PPP1R16B: variants seen among roughly 807,000 people sequenced by gnomAD.
PPP1R16B encodes protein phosphatase 1 regulatory inhibitor subunit 16B.
Under a neutral mutation model 61.7 loss-of-function variants are expected in PPP1R16B, and 14 were observed. That is an observed-to-expected ratio of 0.23 (90% CI 0.15 to 0.35). The LOEUF (loss-of-function observed/expected upper bound fraction) is 0.35, where lower values mean the gene tolerates loss of function less well. Among genes scored for constraint, PPP1R16B ranks in the 10% least tolerant of loss-of-function variants. The pLI, the probability that PPP1R16B is intolerant of heterozygous loss-of-function variation, is 1.00. For missense variants in PPP1R16B, 547 were observed against 752.5 expected, an observed-to-expected ratio of 0.73 and a Z score of 3.19; for synonymous variants, 266 against 305.3, an observed-to-expected ratio of 0.87 and a Z score of 1.34.
intron 2 of PPP1R16B, among the ~76,000 whole-genome samples, chr20:38,847,245 T>C (rs1015375701): frequency 6.6e-6 from 1 of 152,246 alleles, no homozygotes; most frequent in Non-Finnish European, 1.5e-5. Flanking sequence ...ATTTGATATA[T>C]GGAAAATAGT....
intron 2 of PPP1R16B, among the ~76,000 whole-genome samples, chr20:38,870,066 G>A (rs887115172): frequency 2.0e-5 from 3 of 152,148 alleles, no homozygotes; most frequent in Middle Eastern, 3.4e-3. Context: ...TGGGATTACA[G>A]GTGCCCACCA....
intron 1 of PPP1R16B, among the ~76,000 whole-genome samples, chr20:38,831,070 T>A (rs1340728262): frequency 6.6e-6 from 1 of 152,164 alleles, no homozygotes; most frequent in African/African-American, 2.4e-5. Flanking sequence ...CTCCAGTGAG[T>A]GACGAGGAAC....
At chr20:38,842,411 G>A (rs918945571) in intron 2 of PPP1R16B, among the ~76,000 whole-genome samples, 1 of 152,150 alleles carries the variant, frequency 6.6e-6, no homozygotes, top group African/African-American at 2.4e-5. Context: ...ATGTTAAGTT[G>A]TTAGAGACTT....
chr20:38,883,998 G>C (rs1243599209), intron 2 of PPP1R16B, among the ~76,000 whole-genome samples: 2 of 152,220 alleles, frequency 1.3e-5, no homozygotes, highest in African/African-American at 2.4e-5. Context: ...GGCAGAGCCT[G>C]GGACTTGGGG....
intron 2 of PPP1R16B, among the ~76,000 whole-genome samples, chr20:38,852,045 CG>C (rs540860416): frequency 5.4e-5 from 8 of 149,520 alleles, no homozygotes; most frequent in African/African-American, 1.5e-4. Flanking sequence ...GCGGGGACGG[CG>C]GGGGGGGAAG....
intron 2 of PPP1R16B, among the ~76,000 whole-genome samples, chr20:38,840,280 C>A (rs572981155): frequency 6.6e-6 from 1 of 152,152 alleles, no homozygotes; most frequent in Non-Finnish European, 1.5e-5. Flanking sequence ...GCAGCTCCCC[C>A]ACTCCCCTGA....
At chr20:38,828,691 T>A (rs2084818769) in intron 1 of PPP1R16B, among the ~76,000 whole-genome samples, 1 of 152,162 alleles carries the variant, frequency 6.6e-6, no homozygotes, top group South Asian at 2.1e-4. Flanking sequence ...AGCTTCTGAT[T>A]GGGCCAACTC....
At chr20:38,877,222 G>C (rs1475140460) in intron 2 of PPP1R16B, among the ~76,000 whole-genome samples, 2 of 152,044 alleles carry the variant, frequency 1.3e-5, no homozygotes, top group African/African-American at 4.8e-5. Context: ...ATCCTTGTTC[G>C]TAAATCTTTG....
Position 38,918,756 on chromosome 20 carries a change from A to G in PPP1R16B, c.*90A>G. On this transcript the variant is annotated 3_prime_UTR_variant, in exon 11 of 11. Transcript: ENST00000299824. This position sits in a 1 kb window ranked among gnomAD's most constrained non-coding sequence, Gnocchi z 5.3. ...GCCCTGGCTGGGGAGGTGTCAGGGCAGCTGGGGAGAGGTGGGCTCTGCTTT... is the reference window on the plus strand; with the variant it reads ...GCCCTGGCTGGGGAGGTGTCAGGGCGGCTGGGGAGAGGTGGGCTCTGCTTT... 7.3e-7 allele frequency: 1 copy of G among 1,375,632 alleles called. No individual in the cohort carries two copies. The highest frequency in any genetic ancestry group is 9.6e-7 in the Non-Finnish European group (1 of 1,047,020). 85.2% of individuals were successfully genotyped at this position (1,375,632 alleles called of 1,614,324 possible). A position where few individuals can be genotyped will look rare whatever the true frequency, so the allele number is the denominator to read the frequency against.
chr20:38,806,381 C>T lies in PPP1R16B; in HGVS notation c.-102+589C>T, dbSNP rs2084661452. On this transcript the variant is annotated intron_variant, in intron 1 of 10. Transcript: ENST00000299824. This position sits in a 1 kb window ranked among gnomAD's most constrained non-coding sequence, Gnocchi z 4.5. ...CGCCTCAGGATCCGGCTGACAGCAC[C>T]AGCCAGCCCGGGGAGACCCCGCGAG... is the stretch of plus-strand genomic sequence containing the variant. 6.6e-6 allele frequency among the ~76,000 whole-genome samples: 1 copy of T among 152,096 alleles called. No individual in the cohort carries two copies. The highest frequency in any genetic ancestry group is 6.5e-5 in the Admixed American group (1 of 15,288).
intron 2 of PPP1R16B, among the ~76,000 whole-genome samples, chr20:38,849,771 A>G (rs533046868): frequency 1.3e-5 from 2 of 152,302 alleles, no homozygotes; most frequent in East Asian, 3.9e-4. Context: ...TGCTGAGCAT[A>G]CCCATGTAAC....
intron 2 of PPP1R16B, among the ~76,000 whole-genome samples, chr20:38,852,713 T>C (rs925851971): frequency 1.3e-5 from 2 of 149,972 alleles, no homozygotes; most frequent in Non-Finnish European, 3.0e-5. Flanking sequence ...CTAGCATGAT[T>C]GATTCTTGCT....
chr20:38,814,569 A>C lies in PPP1R16B; in HGVS notation c.-102+8777A>C, dbSNP rs116918787. Among the ~76,000 whole-genome samples, 260 of 152,314 alleles carry C rather than the reference A, an allele frequency of 1.7e-3. 4 individuals are homozygous for C. The East Asian group carries it at 0.017, about 10-fold the overall frequency. ...AGGAGGTACCTGATACATGCCAACT[A>C]TTCTTATGGCATTATTATCATTAGA... On this transcript the variant is annotated intron_variant, in intron 1 of 10. Coordinates refer to ENST00000299824, the MANE Select transcript of PPP1R16B (RefSeq NM_015568.4).
chr20:38,888,461 C>G lies in PPP1R16B; in HGVS notation c.251-1134C>G, dbSNP rs62201383. Among the ~76,000 whole-genome samples, 822 of 152,326 alleles carry G rather than the reference C, an allele frequency of 5.4e-3. 6 individuals are homozygous for G. Among genetic ancestry groups the G allele is most frequent in the African/African-American group, 0.019 (772 of 41,582 alleles). On this transcript the variant is annotated intron_variant, in intron 2 of 10. Transcript: ENST00000299824. Reference sequence around the variant, plus strand: ...ACAGTCTACCTTTGGGAAGCTGGATCCAGGGAAGATCCTATTGAGGCCCTG... The same window carrying G: ...ACAGTCTACCTTTGGGAAGCTGGATGCAGGGAAGATCCTATTGAGGCCCTG...
chr20:38,855,907 CAT>C (rs371138532), intron 2 of PPP1R16B, among the ~76,000 whole-genome samples: 335 of 17,764 alleles, frequency 0.019, 8 homozygotes, highest in South Asian at 0.032. Flanking sequence ...CAGTTTCCTA[CAT>C]ATATATATAT....
Position 38,877,465 on chromosome 20 carries a change from C to T in PPP1R16B, c.251-12130C>T, listed in dbSNP as rs140444990. ...CTGGGATTACAGGCACCCACCACCA[C>T]GCCCGGCTAATTTTTTTTGTATTTT... On this transcript the variant is annotated intron_variant, in intron 2 of 10. Transcript: ENST00000299824. Among the ~76,000 whole-genome samples the T allele has an allele frequency of 7.9e-3, 1,206 of 152,092 alleles. 15 individuals are homozygous for T. Among genetic ancestry groups the T allele is most frequent in the African/African-American group, 0.028 (1,160 of 41,456 alleles).
intron 2 of PPP1R16B, among the ~76,000 whole-genome samples, chr20:38,858,911 G>A (rs1250576312): frequency 6.6e-6 from 1 of 152,206 alleles, no homozygotes; most frequent in African/African-American, 2.4e-5. Context: ...CCTGAGCTAG[G>A]ATGACTGAAA....
intron 1 of PPP1R16B, among the ~76,000 whole-genome samples, chr20:38,827,937 G>T (rs547459202): frequency 6.6e-6 from 1 of 152,262 alleles, no homozygotes; most frequent in East Asian, 1.9e-4. Context: ...TTTCCCTCAT[G>T]CTCAATGGTA....
intron 2 of PPP1R16B, among the ~76,000 whole-genome samples, chr20:38,855,943 T>TAGAGAGAGAGAGAGAGAGAG (rs1293814608): frequency 6.6e-5 from 1 of 15,058 alleles, no homozygotes; most frequent in Non-Finnish European, 9.9e-5. Flanking sequence ...TATATATATA[T>TAGAGAGAGAGAGAGAGAGAG]AGAGAGAGAG....
Sources: allele counts gnomAD v4.1 joint callset (sites outside exome capture counted in the v4.1 genomes callset), GRCh38; gene constraint gnomAD v4.1.1; non-coding constraint Gnocchi (gnomAD v3.1); transcripts MANE v1.5; gene names NCBI Gene and HGNC (gene_info 2026-07-23, HGNC 2026-07-21).